The following DGLUCY variants were observed in gnomAD, a reference collection of about 807,000 sequenced individuals.
DGLUCY encodes D-glutamate cyclase, mitochondrial.
DGLUCY carries 58 observed loss-of-function variants against 58.5 expected under a neutral mutation model. That is an observed-to-expected ratio of 0.99 (90% CI 0.80 to 1.23). The LOEUF (loss-of-function observed/expected upper bound fraction) is 1.23. Ranked by LOEUF, DGLUCY falls within the 50% of genes most tolerant of loss-of-function variation. DGLUCY has a pLI of 0.00. For synonymous variants in DGLUCY, 325 were observed against 314.1 expected, an observed-to-expected ratio of 1.03 and a Z score of -0.37; for missense variants, 779 against 784.7, an observed-to-expected ratio of 0.99 and a Z score of 0.09.
At chr14:91,137,039 T>C (rs1245414130) in intron 1 of DGLUCY, among the ~76,000 whole-genome samples, 1 of 151,440 alleles carries the variant, frequency 6.6e-6, no homozygotes, top group Non-Finnish European at 1.5e-5. Context: ...CGCTGAAAAA[T>C]GGCCAGCTGT....
chr14:91,104,931 T>TAA (rs1339423871), upstream of DGLUCY, among the ~76,000 whole-genome samples: 1 of 152,236 alleles, frequency 6.6e-6, no homozygotes, highest in East Asian at 1.9e-4. Context: ...AGAGTTGTGA[T>TAA]AACTGAATGA....
At chr14:91,135,973 C>T (rs931022886) in intron 1 of DGLUCY, among the ~76,000 whole-genome samples, 3 of 122,246 alleles carry the variant, frequency 2.5e-5, no homozygotes, top group Admixed American at 1.1e-4. Context: ...CTGGCTCTGT[C>T]GCCCAGGCTG....
At chr14:91,149,107 C>T (rs1054147758) in intron 1 of DGLUCY, among the ~76,000 whole-genome samples, 12 of 151,894 alleles carry the variant, frequency 7.9e-5, no homozygotes, top group Non-Finnish European at 1.8e-4. Flanking sequence ...ATTAGCCAGG[C>T]GTGGTGGCGC....
chr14:91,204,818 C>G lies in DGLUCY; in HGVS notation c.1557C>G (p.Val519=), dbSNP rs149923448. 7.6e-4 allele frequency: 1,219 copies of G among 1,613,958 alleles called. 1 individual carries two copies. Among genetic ancestry groups the G allele is most frequent in the Non-Finnish European group, 9.9e-4 (1,170 of 1,179,986 alleles). The change falls in exon 12 of 14, where the codon GTC becomes GTG. Residue 519 remains valine (V), a synonymous_variant. Transcript: ENST00000256324. Reference sequence around the variant, plus strand: ...GCGACGTGGAGGCTGACTTTGCCGTCATTGCTGGTGAGCACTCGGATGGCC... The same window carrying G: ...GCGACGTGGAGGCTGACTTTGCCGTGATTGCTGGTGAGCACTCGGATGGCC... ...IACDVEADFA[V]IAGVSNWGGY... is the part of the protein sequence containing the mutation.
intron 10 of DGLUCY, among the ~76,000 whole-genome samples, chr14:91,198,347 T>C (rs532597756): frequency 1.4e-5 from 2 of 144,708 alleles, no homozygotes; most frequent in Admixed American, 1.4e-4. Flanking sequence ...CCCAGCCTTT[T>C]TTTTTTTTCC....
At position 91,203,684 on chromosome 14, in the gene DGLUCY, T is replaced by G. The variant is rs1400634663; in HGVS notation, c.1445-1022T>G. 7.8e-3 allele frequency among the ~76,000 whole-genome samples: 1,185 copies of G among 151,568 alleles called. 8 individuals carry two copies. Among genetic ancestry groups the G allele is most frequent in the Non-Finnish European group, 0.012 (827 of 67,830 alleles). On this transcript the variant is annotated intron_variant, in intron 11 of 13. Transcript: ENST00000256324. Reference sequence around the variant, plus strand: ...TGATAGGTTTTTTTGTGTGTTTTTTTTTTTTTTTTTTAGATGGAGTCTTGC... The same window carrying G: ...TGATAGGTTTTTTTGTGTGTTTTTTGTTTTTTTTTTTAGATGGAGTCTTGC...
chr14:91,090,314 C>T (rs1368047495), intron 1 of DGLUCY, among the ~76,000 whole-genome samples: 4 of 152,116 alleles, frequency 2.6e-5, no homozygotes. Flanking sequence ...GGACCTCAGC[C>T]AGAAAAAGGA....
At chr14:91,220,284 C>T (rs1423993423) in intron 13 of DGLUCY, among the ~76,000 whole-genome samples, 2 of 152,238 alleles carry the variant, frequency 1.3e-5, no homozygotes, top group Non-Finnish European at 2.9e-5. Flanking sequence ...AACAGATCTA[C>T]TTTTTGGGTG....
At position 91,134,743 on chromosome 14, in the gene DGLUCY, A is replaced by G. The variant is rs967704679; in HGVS notation, c.-82+20460A>G. Among the ~76,000 whole-genome samples the G allele has an allele frequency of 4.6e-5, 7 of 152,074 alleles. No homozygotes were observed. In the South Asian group the frequency reaches 1.5e-3, roughly 32 times the overall value. ...ATGAGCCACCGTGCCCGGCCTCACA[A>G]TTACATTTCTAACTGTTACTGGTGT... On this transcript the variant is annotated intron_variant, in intron 1 of 13. Transcript: ENST00000256324.
At chr14:91,092,712 A>G (rs1460569530) in intron 1 of DGLUCY, among the ~76,000 whole-genome samples, 1 of 152,214 alleles carries the variant, frequency 6.6e-6, no homozygotes, top group East Asian at 1.9e-4. Flanking sequence ...GAACCAAAGG[A>G]GTATGCAATT....
chr14:91,199,685 A>G lies in DGLUCY; in HGVS notation c.1296-72A>G. 2.6e-6 allele frequency: 4 copies of G among 1,533,976 alleles called. No individual in the cohort carries two copies. The East Asian group carries it at 6.8e-5, about 26-fold the overall frequency. On this transcript the variant is annotated intron_variant, in intron 10 of 13. Transcript: ENST00000256324. ...AAGAAGCGTCTTTCGCGCAAACACA[A>G]GAAGGCATGACCCAGCAAAGCAGCC...
intron 1 of DGLUCY, among the ~76,000 whole-genome samples, chr14:91,074,106 T>A (rs189763323): frequency 0.11 from 10,950 of 95,672 alleles, 599 homozygotes; most frequent in South Asian, 0.12. Flanking sequence ...AAAAAAAAAA[T>A]ATATATATAT....
At chr14:91,164,712 G>A (rs2048179015) in intron 3 of DGLUCY, among the ~76,000 whole-genome samples, 1 of 152,042 alleles carries the variant, frequency 6.6e-6, no homozygotes. Flanking sequence ...TCTCTGTTTG[G>A]AACCACCTAA....
At chr14:91,135,713 C>G (rs1230908376) in intron 1 of DGLUCY, among the ~76,000 whole-genome samples, 1 of 144,376 alleles carries the variant, frequency 6.9e-6, no homozygotes, top group Non-Finnish European at 1.5e-5. Context: ...TGTTTTTAAC[C>G]TTGCTAGATG....
intron 1 of DGLUCY, among the ~76,000 whole-genome samples, chr14:91,150,025 C>G (rs181770054): frequency 2.0e-5 from 3 of 151,988 alleles, no homozygotes; most frequent in Admixed American, 2.0e-4. Flanking sequence ...TTGAGACCAG[C>G]CTGGCCAATA....
chr14:91,116,385 G>A (rs751415077), intron 1 of DGLUCY, among the ~76,000 whole-genome samples: 12 of 152,198 alleles, frequency 7.9e-5, no homozygotes, highest in Non-Finnish European at 1.5e-4. Context: ...GAAACTAAAT[G>A]ACTGCCCTTG....
chr14:91,180,237 C>T (rs896629358), intron 7 of DGLUCY, among the ~76,000 whole-genome samples: 1 of 151,766 alleles, frequency 6.6e-6, no homozygotes, highest in African/African-American at 2.4e-5. Context: ...TGACAATAGC[C>T]ATATGAGGCA....
chr14:91,224,648 C>G, intron 13 of DGLUCY, 36 bp from the exon 14 acceptor site: 2 of 1,560,242 alleles, frequency 1.3e-6, no homozygotes, highest in Non-Finnish European at 1.7e-6. Context: ...TTTCCTCCCC[C>G]TCCACTCCTT....
chr14:91,179,173 A>G (rs1446224146), intron 7 of DGLUCY, among the ~76,000 whole-genome samples: 2 of 152,258 alleles, frequency 1.3e-5, no homozygotes. Context: ...GGAGCATACA[A>G]CTGAGTAGAG....
Sources: allele counts gnomAD v4.1 joint callset (sites outside exome capture counted in the v4.1 genomes callset), GRCh38; gene constraint gnomAD v4.1.1; transcripts MANE v1.5; gene names NCBI Gene and HGNC (gene_info 2026-07-23, HGNC 2026-07-21).